The following SNX25 variants were observed in gnomAD, a reference collection of about 807,000 sequenced individuals.
SNX25 encodes sorting nexin 25.
SNX25 carries 62 observed loss-of-function variants against 113.7 expected under a neutral mutation model. The ratio of observed to expected loss-of-function variants is 0.55; its 90% CI spans 0.44 to 0.67. The LOEUF is 0.67. Ranked by LOEUF, SNX25 falls within the 30% of genes least tolerant of loss-of-function variation. The pLI, the probability that SNX25 is intolerant of heterozygous loss-of-function variation, is 0.00. For synonymous variants in SNX25, 421 were observed against 436.2 expected, an observed-to-expected ratio of 0.97 and a Z score of 0.43; for missense variants, 1,014 against 1,161.0, an observed-to-expected ratio of 0.87 and a Z score of 1.84.
chr4:185,255,284 C>T (rs1450497655), intron 2 of SNX25, among the ~76,000 whole-genome samples: 2 of 152,050 alleles, frequency 1.3e-5, no homozygotes, highest in Non-Finnish European at 2.9e-5. Flanking sequence ...CAGGCGCCTG[C>T]CACCACGCAC....
chr4:185,378,486 C>G, the SNX25 span: 4 of 1,133,246 alleles, frequency 3.5e-6, no homozygotes, highest in Non-Finnish European at 3.3e-6. Context: ...GTTTATACAT[C>G]AAGATGGGTC....
At chr4:185,362,494 C>T in intron 17 of SNX25, 117 bp from the exon 18 acceptor site, 4 of 1,186,204 alleles carry the variant, frequency 3.4e-6, no homozygotes, top group Non-Finnish European at 4.6e-6. Context: ...ATTCATGTTT[C>T]TCATGCCTCC....
chr4:185,248,643 A>T (rs184684348), intron 2 of SNX25, among the ~76,000 whole-genome samples: 189 of 152,126 alleles, frequency 1.2e-3, no homozygotes, highest in African/African-American at 4.3e-3. Flanking sequence ...ACACAATGAG[A>T]CTCTGTCTCA....
At chr4:185,335,316 T>TCACACACACACACACACA in intron 10 of SNX25, among the ~76,000 whole-genome samples, 1 of 140,898 alleles carries the variant, frequency 7.1e-6, no homozygotes, top group Non-Finnish European at 1.5e-5. Context: ...TGAAAAAGTC[T>TCACACACACACACACACA]CACACACACA....
At chr4:185,212,497 T>G (rs796670822) in intron 1 of SNX25, among the ~76,000 whole-genome samples, 33 of 49,520 alleles carry the variant, frequency 6.7e-4, no homozygotes, top group Middle Eastern at 9.1e-3. Flanking sequence ...GTGTGTTTTT[T>G]TTTTTTTTTG....
At chr4:185,302,096 T>G (rs1753772383) in intron 6 of SNX25, among the ~76,000 whole-genome samples, 1 of 120,322 alleles carries the variant, frequency 8.3e-6, no homozygotes, top group Admixed American at 9.1e-5. Flanking sequence ...TGTGTGTTTT[T>G]TTTGTTTTTT....
At chr4:185,346,488 A>G in intron 12 of SNX25, 49 bp from the exon 13 acceptor site, 1 of 1,209,058 alleles carries the variant, frequency 8.3e-7, no homozygotes. Flanking sequence ...CTTTTTTAAG[A>G]TTAAAATGTA....
At chr4:185,235,802 GGT>G (rs1248612412) in intron 1 of SNX25, among the ~76,000 whole-genome samples, 8 of 152,230 alleles carry the variant, frequency 5.3e-5, no homozygotes, top group Non-Finnish European at 1.0e-4. Flanking sequence ...GGGAGGCTGA[GGT>G]GGGAGGATTG....
At chr4:185,225,149 C>T (rs1241005683) in intron 1 of SNX25, among the ~76,000 whole-genome samples, 4 of 139,540 alleles carry the variant, frequency 2.9e-5, no homozygotes, top group African/African-American at 8.0e-5. Flanking sequence ...GATGGAGTCT[C>T]GCTTTGTTGC....
At chr4:185,246,101 C>T (rs1744830670) in intron 1 of SNX25, among the ~76,000 whole-genome samples, 2 of 152,104 alleles carry the variant, frequency 1.3e-5, no homozygotes, top group South Asian at 4.1e-4. Context: ...GCCTGGCCAA[C>T]ATGGGAAAAA....
downstream of SNX25, chr4:185,367,010 A>G (rs2095390230): frequency 1.7e-6 from 1 of 603,978 alleles, no homozygotes; most frequent in Non-Finnish European, 2.9e-6. Flanking sequence ...CTAGGTTTCA[A>G]GTTGCAAAAC....
Position 185,310,648 on chromosome 4 carries a change from G to A in SNX25, c.1176G>A (p.Ala392=), listed in dbSNP as rs770480659. ...QLKRHKGKET[A]AMKADLLRAR... The stretch of plus-strand genomic sequence containing the variant: ...CTCCTATTCAAGGTAAAGAAACTGC[G>A]GCAATGAAAGCTGATCTCCTGAGGG... The change falls in exon 7 of 19, where the codon GCG becomes GCA. Residue 392 remains alanine, a synonymous_variant. Coordinates refer to ENST00000652585, the MANE Select transcript of SNX25 (RefSeq NM_001378034.2). 1.1e-5 allele frequency: 17 copies of A among 1,612,574 alleles called. No individual in the cohort carries two copies. The South Asian group carries it at 1.4e-4, about 14-fold the overall frequency.
chr4:185,308,378 C>T (rs996267665), intron 6 of SNX25, among the ~76,000 whole-genome samples: 5 of 152,180 alleles, frequency 3.3e-5, no homozygotes, highest in Non-Finnish European at 5.9e-5. Context: ...TAACCTAACT[C>T]TGATTGCAGA....
intron 1 of SNX25, among the ~76,000 whole-genome samples, chr4:185,243,099 G>T (rs571806393): frequency 2.8e-4 from 43 of 152,174 alleles, no homozygotes; most frequent in Non-Finnish European, 5.9e-4. Context: ...CAGATTGAAA[G>T]AATAATAGGT....
chr4:185,370,949 G>A (rs2095412704), downstream of SNX25: 2 of 919,836 alleles, frequency 2.2e-6, no homozygotes, highest in African/African-American at 1.6e-5. Flanking sequence ...TGTTTGCTGT[G>A]TGGGGAAGGG....
chr4:185,333,727 A>T (rs2126709220), intron 10 of SNX25, among the ~76,000 whole-genome samples: 1 of 152,300 alleles, frequency 6.6e-6, no homozygotes, highest in South Asian at 2.1e-4. Flanking sequence ...GTGTAGGAAG[A>T]AGTTTAATGT....
chr4:185,338,315 GC>G (rs1481900030), intron 10 of SNX25, among the ~76,000 whole-genome samples: 1 of 135,758 alleles, frequency 7.4e-6, no homozygotes, highest in African/African-American at 2.9e-5. Context: ...TCACTCTGTT[GC>G]CCAGGCTGGA....
At chr4:185,226,946 G>A (rs1309457365) in intron 1 of SNX25, among the ~76,000 whole-genome samples, 2 of 152,180 alleles carry the variant, frequency 1.3e-5, no homozygotes, top group East Asian at 1.9e-4. Flanking sequence ...TCCAGAGAGA[G>A]GACAAGCTCA....
At chr4:185,361,800 C>G in intron 16 of SNX25, 124 bp from the exon 17 acceptor site, 1 of 643,812 alleles carries the variant, frequency 1.6e-6, no homozygotes, top group Non-Finnish European at 2.4e-6. Context: ...AAATCCAATT[C>G]CTAGTTTATT....
Sources: gnomAD v4.1 joint callset for allele counts (sites outside exome capture counted in the v4.1 genomes callset) on GRCh38, gnomAD v4.1.1 for gene constraint, MANE v1.5 for transcripts, NCBI Gene and HGNC (gene_info 2026-07-23, HGNC 2026-07-21) for gene names.